Variants in RALY observed in about 807,000 individuals in gnomAD.
The protein encoded by RALY is RALY heterogeneous nuclear ribonucleoprotein, also known as RNA-binding protein Raly.
Under a neutral mutation model 30.7 loss-of-function variants are expected in RALY, and 15 were observed. The ratio of observed to expected loss-of-function variants is 0.49; its 90% CI spans 0.33 to 0.75. The LOEUF is 0.75. Ranked by LOEUF, RALY falls within the 30% of genes least tolerant of loss-of-function variation. RALY has a pLI of 0.02. For synonymous variants in RALY, 177 were observed against 170.8 expected (o/e 1.04, Z -0.28); for missense variants, 339 against 414.3 (o/e 0.82, Z 1.58).
intron 2 of RALY, among the ~76,000 whole-genome samples, chr20:34,071,254 G>C (rs2033718267): frequency 6.6e-6 from 1 of 152,004 alleles, no homozygotes; most frequent in Admixed American, 6.6e-5. Context: ...AATTCAGACA[G>C]GTCTGTGTCT....
chr20:34,010,096 A>G (rs1426741888), intron 1 of RALY, among the ~76,000 whole-genome samples: 1 of 152,166 alleles, frequency 6.6e-6, no homozygotes, highest in East Asian at 1.9e-4. Flanking sequence ...GGCTCAGTGG[A>G]TCATGTCCTT....
chr20:34,071,598 G>C (rs1351272103), intron 2 of RALY, among the ~76,000 whole-genome samples: 1 of 152,098 alleles, frequency 6.6e-6, no homozygotes, highest in African/African-American at 2.4e-5. Flanking sequence ...TCATCATATG[G>C]TGGTGGTCTA....
chr20:34,023,036 G>C (rs2031887338), intron 1 of RALY, among the ~76,000 whole-genome samples: 1 of 152,126 alleles, frequency 6.6e-6, no homozygotes, highest in Non-Finnish European at 1.5e-5. Flanking sequence ...TGCTAGAGTG[G>C]AACAGACCCC....
At chr20:34,078,943 A>T (rs994345179) in intron 9 of RALY, among the ~76,000 whole-genome samples, 3 of 152,152 alleles carry the variant, frequency 2.0e-5, no homozygotes, top group Non-Finnish European at 4.4e-5. Context: ...TGTGTAGCTG[A>T]GCCTGCTAGT....
intron 8 of RALY, among the ~76,000 whole-genome samples, chr20:34,078,081 G>A (rs552159102): frequency 6.6e-6 from 1 of 152,226 alleles, no homozygotes; most frequent in South Asian, 2.1e-4. Context: ...CGGTTAGGAG[G>A]TCTGCCTTAT....
intron 2 of RALY, among the ~76,000 whole-genome samples, chr20:34,066,929 A>C (rs2033589458): frequency 6.6e-6 from 1 of 152,214 alleles, no homozygotes; most frequent in Admixed American, 6.5e-5. Context: ...GTGAGGACCA[A>C]GGAGAGCGTG....
At chr20:34,043,236 C>G (rs1265789198) in intron 2 of RALY, among the ~76,000 whole-genome samples, 1 of 152,204 alleles carries the variant, frequency 6.6e-6, no homozygotes, top group East Asian at 1.9e-4. Context: ...TGTGGTCTCA[C>G]CCTCAGGACC....
Position 34,080,474 on chromosome 20 carries a change from C to G in RALY, c.*569C>G, listed in dbSNP as rs1410086251. On this transcript the variant is annotated 3_prime_UTR_variant, in exon 10 of 10. Coordinates refer to ENST00000246194, the MANE Select transcript of RALY (RefSeq NM_016732.3). ...TGAAGTGTCAAGCAGTTGTGACCCA[C>G]TTGGTTTACCCCATAGTAGGTCAAG... The G allele has an allele frequency of 6.6e-6, 1 of 152,236 alleles. No individual in the cohort carries two copies. Among genetic ancestry groups the G allele is most frequent in the Non-Finnish European group, 1.5e-5 (1 of 68,092 alleles). The allele number at this position is 152,236 out of a possible 1,614,324, so 9.4% of individuals were successfully genotyped here.
At chr20:34,054,986 G>A (rs1214974841) in intron 2 of RALY, among the ~76,000 whole-genome samples, 1 of 152,126 alleles carries the variant, frequency 6.6e-6, no homozygotes, top group Non-Finnish European at 1.5e-5. Flanking sequence ...CACTTAACTT[G>A]CATTATCTTA....
chr20:34,027,669 C>T (rs892117172), intron 1 of RALY, among the ~76,000 whole-genome samples: 6 of 152,194 alleles, frequency 3.9e-5, no homozygotes, highest in African/African-American at 1.4e-4. Flanking sequence ...CCTCCATAAC[C>T]CCTTATTCAG....
chr20:34,045,083 A>AT (rs1201065925), intron 2 of RALY, among the ~76,000 whole-genome samples: 6 of 151,284 alleles, frequency 4.0e-5, no homozygotes, highest in East Asian at 1.9e-4. Flanking sequence ...CTAATTAAAA[A>AT]TTTTTTTTTG....
At chr20:34,063,136 C>T (rs752328270) in intron 2 of RALY, among the ~76,000 whole-genome samples, 1 of 152,216 alleles carries the variant, frequency 6.6e-6, no homozygotes, top group African/African-American at 2.4e-5. Context: ...TTGGTTTCAT[C>T]GTATGTGAAA....
At chr20:34,044,286 T>C (rs1005952646) in intron 2 of RALY, among the ~76,000 whole-genome samples, 3 of 152,126 alleles carry the variant, frequency 2.0e-5, no homozygotes, top group Admixed American at 2.0e-4. Flanking sequence ...TATATTTGTC[T>C]ATTTGTACGA....
chr20:34,054,206 C>T (rs2033169027), intron 2 of RALY, among the ~76,000 whole-genome samples: 2 of 152,170 alleles, frequency 1.3e-5, no homozygotes, highest in African/African-American at 2.4e-5. Flanking sequence ...AAAACGCCCA[C>T]CTAGGATTCT....
intron 1 of RALY, among the ~76,000 whole-genome samples, chr20:33,995,745 T>C (rs953408541): frequency 6.6e-5 from 10 of 152,340 alleles, no homozygotes; most frequent in African/African-American, 2.4e-4. Context: ...CCCGCTTCCC[T>C]GTTAACTGAA....
intron 1 of RALY, among the ~76,000 whole-genome samples, chr20:33,994,895 A>G (rs1038380471): frequency 4.6e-5 from 7 of 152,336 alleles, no homozygotes; most frequent in East Asian, 3.9e-4. Context: ...TAATGTTCAC[A>G]ACGGCCTTCT....
At chr20:34,030,767 A>ACT (rs1203036350) in intron 1 of RALY, among the ~76,000 whole-genome samples, 1 of 151,764 alleles carries the variant, frequency 6.6e-6, no homozygotes, top group Non-Finnish European at 1.5e-5. Context: ...TTATGACTCC[A>ACT]CTCTAGCTAT....
intron 1 of RALY, chr20:34,017,751 T>C (rs1216984668): frequency 6.6e-6 from 1 of 152,212 alleles, no homozygotes; most frequent in African/African-American, 2.4e-5. Flanking sequence ...AGGCTTAACA[T>C]GCTCAGCAGC....
chr20:34,035,953 GCTT>G (rs2032480894), intron 2 of RALY, among the ~76,000 whole-genome samples: 1 of 152,210 alleles, frequency 6.6e-6, no homozygotes, highest in Non-Finnish European at 1.5e-5. Context: ...CATAGAGCGT[GCTT>G]CTTGATTCTA....
Sources: allele counts gnomAD v4.1 joint callset (sites outside exome capture counted in the v4.1 genomes callset), GRCh38; gene constraint gnomAD v4.1.1; transcripts MANE v1.5; gene names NCBI Gene and HGNC (gene_info 2026-07-23, HGNC 2026-07-21).